The following GCSAML variants were observed in gnomAD, a reference collection of about 807,000 sequenced individuals.
The protein encoded by GCSAML is germinal center associated signaling and motility like.
Under a neutral mutation model 13.0 loss-of-function variants are expected in GCSAML, and 9 were observed. The ratio of observed to expected loss-of-function variants is 0.69; its 90% CI spans 0.42 to 1.21. GCSAML has a LOEUF of 1.21. Ranked by LOEUF, GCSAML falls within the 50% of genes most tolerant of loss-of-function variation. The probability of loss-of-function intolerance (pLI) is 0.00; values close to 1 mark genes in which losing one functional copy is unlikely to be tolerated. For synonymous variants in GCSAML, 37 were observed against 52.9 expected (o/e 0.70, Z 1.31); for missense variants, 143 against 153.4 (o/e 0.93, Z 0.36).
At chr1:247,522,979 A>G (rs1387140631) in intron 1 of GCSAML, among the ~76,000 whole-genome samples, 1 of 152,146 alleles carries the variant, frequency 6.6e-6, no homozygotes, top group Non-Finnish European at 1.5e-5. Flanking sequence ...TGAGTGCTCT[A>G]ACAAATACTG....
At chr1:247,545,185 T>G (rs1264495111), upstream of GCSAML, among the ~76,000 whole-genome samples, 4 of 152,176 alleles carry the variant, frequency 2.6e-5, no homozygotes, top group African/African-American at 4.8e-5. Context: ...GTTCCAATAT[T>G]ATCTGCAAAT....
At chr1:247,509,684 C>A (rs1665954872) in intron 1 of GCSAML, among the ~76,000 whole-genome samples, 1 of 152,090 alleles carries the variant, frequency 6.6e-6, no homozygotes, top group African/African-American at 2.4e-5. Context: ...CCATCAGTAC[C>A]TAGTTTATTG....
chr1:247,570,824 T>C (rs1352040732), intron 4 of GCSAML, among the ~76,000 whole-genome samples: 3 of 152,176 alleles, frequency 2.0e-5, no homozygotes, highest in Non-Finnish European at 4.4e-5. Context: ...AATCTCCCAC[T>C]ATTGTTGTGT....
chr1:247,529,566 C>T (rs1330006526), intron 2 of GCSAML: 5 of 152,178 alleles, frequency 3.3e-5, no homozygotes, highest in Admixed American at 6.5e-5. Flanking sequence ...GAGAGTGTCT[C>T]GTACATGATG....
At chr1:247,537,346 C>T (rs572754495) in intron 2 of GCSAML, among the ~76,000 whole-genome samples, 1 of 152,330 alleles carries the variant, frequency 6.6e-6, no homozygotes, top group South Asian at 2.1e-4. Flanking sequence ...TATGACTCTA[C>T]CACCTTTTGT....
intron 2 of GCSAML, among the ~76,000 whole-genome samples, chr1:247,559,651 A>C (rs537590286): frequency 6.6e-6 from 1 of 152,302 alleles, no homozygotes; most frequent in South Asian, 2.1e-4. Flanking sequence ...CTTATAGCGA[A>C]GTACCATAGA....
intron 2 of GCSAML, among the ~76,000 whole-genome samples, chr1:247,562,824 T>A (rs1199333296): frequency 6.9e-6 from 1 of 144,278 alleles, no homozygotes; most frequent in Non-Finnish European, 1.6e-5. Context: ...GGCCCACACT[T>A]ATTTTTTTTT....
upstream of GCSAML, among the ~76,000 whole-genome samples, chr1:247,545,552 A>G (rs1667540391): frequency 6.6e-6 from 1 of 152,158 alleles, no homozygotes; most frequent in Non-Finnish European, 1.5e-5. Context: ...ATGTTAAGAA[A>G]ATGTATTTAA....
chr1:247,529,350 C>G (rs1320076927), intron 2 of GCSAML: 1 of 152,186 alleles, frequency 6.6e-6, no homozygotes, highest in Admixed American at 6.5e-5. Context: ...ATTCATACTT[C>G]ATACCTCAAT....
At position 247,563,635 on chromosome 1, in the gene GCSAML, G is replaced by A. The variant is rs2103057644; in HGVS notation, c.135G>A (p.Lys45=). ...AAAGAAAACTTCAAGATCAAGATAA[G>A]AAAAGTAAGTCATGGCTGTATAATA... The part of the protein sequence containing the change: ...TFERKLQDQD[K]KSQEVSSTSN... Residue 45 remains lysine, a synonymous_variant, in exon 3 of 5, where the codon AAG becomes AAA. Transcript: ENST00000366488. 6.4e-7 allele frequency: 1 copy of A among 1,558,884 alleles called. No individual in the cohort carries two copies. The highest frequency in any genetic ancestry group is 8.8e-7 in the Non-Finnish European group (1 of 1,131,144).
At chr1:247,549,097 G>A (rs904422272), upstream of GCSAML, 16 of 1,612,432 alleles carry the variant, frequency 9.9e-6, no homozygotes, top group East Asian at 2.2e-5. Flanking sequence ...CAGATGCAAC[G>A]TCCTGCCTCA....
At chr1:247,529,773 C>G (rs892963610) in intron 2 of GCSAML, 1 of 130,454 alleles carries the variant, frequency 7.7e-6, no homozygotes, top group East Asian at 2.3e-4. Context: ...AATCAGTAGA[C>G]TTTTAGTAAA....
chr1:247,553,926 C>T (rs1397515983), intron 1 of GCSAML, among the ~76,000 whole-genome samples: 1 of 151,930 alleles, frequency 6.6e-6, no homozygotes, highest in Non-Finnish European at 1.5e-5. Context: ...GGGATAAAAC[C>T]CATTTGATTG....
At chr1:247,511,254 T>A (rs1289132408) in intron 1 of GCSAML, among the ~76,000 whole-genome samples, 1 of 152,238 alleles carries the variant, frequency 6.6e-6, no homozygotes, top group Non-Finnish European at 1.5e-5. Context: ...GTTGCATTGA[T>A]CCTTTTACCA....
intron 1 of GCSAML, among the ~76,000 whole-genome samples, chr1:247,514,754 T>C (rs1475446890): frequency 6.6e-6 from 1 of 152,218 alleles, no homozygotes; most frequent in Non-Finnish European, 1.5e-5. Flanking sequence ...TTGTTTGCTT[T>C]GTCGAAGATC....
intron 2 of GCSAML, among the ~76,000 whole-genome samples, chr1:247,541,429 G>A (rs974448905): frequency 7.2e-5 from 11 of 152,078 alleles, no homozygotes; most frequent in African/African-American, 1.4e-4. Context: ...GGTATTTTCC[G>A]CACGGTCTCA....
chr1:247,534,220 T>C (rs1667126695), intron 2 of GCSAML, among the ~76,000 whole-genome samples: 1 of 152,224 alleles, frequency 6.6e-6, no homozygotes, highest in Non-Finnish European at 1.5e-5. Context: ...CACTAGATCA[T>C]AAATTCCATG....
rs779944769 is a variant in GCSAML, at chr1:247,574,378, A to G, written c.404A>G (p.His135Arg). 1.5e-5 allele frequency: 24 copies of G among 1,613,808 alleles called. No homozygotes were observed. Among genetic ancestry groups the G allele is most frequent in the Non-Finnish European group, 1.8e-5 (21 of 1,179,924 alleles). Residue 135 changes from histidine to arginine, a missense_variant, in exon 5 of 5, where the codon CAC becomes CGC. Physicochemically the swap from His to Arg is conservative, Grantham distance 29. Transcript: ENST00000366488. ...HEHDYEVVFPH is the reference protein window; with the variant it reads ...HEHDYEVVFPR ...CATGATTATGAAGTTGTGTTTCCACACTAAAATCCTCAAGCTGCTTTATCA... is the reference window on the plus strand; with the variant it reads ...CATGATTATGAAGTTGTGTTTCCACGCTAAAATCCTCAAGCTGCTTTATCA...
At chr1:247,550,064 C>G (rs115462449) in intron 1 of GCSAML, among the ~76,000 whole-genome samples, 235 of 152,226 alleles carry the variant, frequency 1.5e-3, no homozygotes, top group African/African-American at 5.4e-3. Context: ...CGCTAATAGA[C>G]GGAGTGGAAA....
Sources: gnomAD v4.1 joint callset for allele counts (sites outside exome capture counted in the v4.1 genomes callset) on GRCh38, gnomAD v4.1.1 for gene constraint, MANE v1.5 for transcripts, NCBI Gene and HGNC (gene_info 2026-07-23, HGNC 2026-07-21) for gene names.